The following LRBA variants were observed in gnomAD, a reference collection of about 807,000 sequenced individuals.
The protein encoded by LRBA is lipopolysaccharide-responsive and beige-like anchor protein.
LRBA carries 176 observed loss-of-function variants against 330.0 expected under a neutral mutation model. The observed-to-expected ratio is 0.53, with a 90% CI of 0.47 to 0.60. The LOEUF is 0.60. Among genes scored for constraint, LRBA ranks in the 20% least tolerant of loss-of-function variants. LRBA has a pLI of 0.00. For missense variants in LRBA, 3,259 were observed against 3,444.8 expected (o/e 0.95, Z 1.35); for synonymous variants, 1,230 against 1,193.0 (o/e 1.03, Z -0.64).
At chr4:150,555,788 A>ACACACACACACAC (rs1554054001) in intron 40 of LRBA, among the ~76,000 whole-genome samples, 2 of 101,130 alleles carry the variant, frequency 2.0e-5, no homozygotes, top group African/African-American at 8.9e-5. Flanking sequence ...CACACACACA[A>ACACACACACACAC]ACAAATAGAA....
At chr4:150,385,815 T>C (rs1489340898) in intron 47 of LRBA, among the ~76,000 whole-genome samples, 2 of 152,080 alleles carry the variant, frequency 1.3e-5, no homozygotes, top group African/African-American at 4.8e-5. Context: ...AAAGGAAGCA[T>C]TAACAGTAGC....
chr4:150,892,964 G>A, intron 17 of LRBA, 88 bp downstream of exon 17: 1 of 765,010 alleles, frequency 1.3e-6, no homozygotes, highest in Non-Finnish European at 2.1e-6. Flanking sequence ...CATTTCATAT[G>A]TAAGTTTAAA....
Position 150,700,927 on chromosome 4 carries a change from C to CT in LRBA, c.5755-17211dup, listed in dbSNP as rs1474473910. 5.9e-5 allele frequency among the ~76,000 whole-genome samples: 9 copies of CT among 151,886 alleles called. No individual in the cohort carries two copies. In the East Asian group the frequency reaches 1.7e-3, roughly 29 times the overall value. ...GGTGTACCACCACACCCCTGGCTAA[C>CT]TTTTTTATTTTTTGTAGAGACAAGG... On this transcript the variant is annotated intron_variant, in intron 36 of 56. Transcript: ENST00000651943.
At chr4:150,745,705 G>C (rs1014097824) in intron 35 of LRBA, among the ~76,000 whole-genome samples, 1 of 151,906 alleles carries the variant, frequency 6.6e-6, no homozygotes, top group African/African-American at 2.4e-5. Context: ...TAGTAGAGAC[G>C]GGATTTCACT....
intron 34 of LRBA, among the ~76,000 whole-genome samples, chr4:150,787,196 G>A (rs963519418): frequency 6.6e-6 from 1 of 151,688 alleles, no homozygotes; most frequent in Non-Finnish European, 1.5e-5. Flanking sequence ...CTCCAGCGTG[G>A]GTGACACAGA....
At chr4:150,658,432 A>T (rs1437981715) in intron 37 of LRBA, among the ~76,000 whole-genome samples, 1 of 149,860 alleles carries the variant, frequency 6.7e-6, no homozygotes, top group Non-Finnish European at 1.5e-5. Context: ...TTATCAAGTT[A>T]TCATAATACT....
At chr4:150,403,738 C>T (rs1281530655) in intron 47 of LRBA, among the ~76,000 whole-genome samples, 1 of 151,966 alleles carries the variant, frequency 6.6e-6, no homozygotes, top group Non-Finnish European at 1.5e-5. Flanking sequence ...AAATATACAC[C>T]TGGCTGGGCA....
At chr4:150,267,731 G>GA (rs552731819) in intron 56 of LRBA, among the ~76,000 whole-genome samples, 16 of 152,122 alleles carry the variant, frequency 1.1e-4, no homozygotes, top group Middle Eastern at 3.4e-3. Context: ...TTGGTTCTTT[G>GA]AAAAAATAAC....
chr4:150,916,546 AT>A lies in LRBA; in HGVS notation c.768-20del. 6.2e-7 allele frequency: 1 copy of A among 1,610,000 alleles called. No individual in the cohort carries two copies. Among genetic ancestry groups the A allele is most frequent in the Non-Finnish European group, 8.5e-7 (1 of 1,178,912 alleles). On this transcript the variant is annotated intron_variant, in intron 6 of 56. Transcript: ENST00000651943. ...TCTGAAACTATAAAGAATAGTTTTC[AT>A]TTTACCTCTAAATATTCTTCTCAGT...
chr4:150,918,637 C>G (rs554566008), intron 5 of LRBA, among the ~76,000 whole-genome samples: 45 of 152,276 alleles, frequency 3.0e-4, no homozygotes, highest in Admixed American at 5.2e-4. Flanking sequence ...GTAATCCCAG[C>G]TACTCAGGAA....
At chr4:150,544,768 G>T in intron 40 of LRBA, among the ~76,000 whole-genome samples, 1 of 152,142 alleles carries the variant, frequency 6.6e-6, no homozygotes, top group Non-Finnish European at 1.5e-5. Flanking sequence ...CTAAAATTGG[G>T]CTTACATATA....
intron 37 of LRBA, among the ~76,000 whole-genome samples, chr4:150,677,816 G>A (rs182400646): frequency 0.098 from 7,996 of 81,348 alleles, 279 homozygotes; most frequent in African/African-American, 0.17. Flanking sequence ...AAAAAAAAAA[G>A]AAAAAGAAAA....
At chr4:150,873,766 T>C (rs1369451598) in intron 17 of LRBA, among the ~76,000 whole-genome samples, 1 of 152,154 alleles carries the variant, frequency 6.6e-6, no homozygotes, top group Non-Finnish European at 1.5e-5. Flanking sequence ...AGGATATCAG[T>C]ATCCTCCTAG....
At chr4:150,848,285 G>C (rs1438679516) in intron 26 of LRBA, among the ~76,000 whole-genome samples, 4 of 152,120 alleles carry the variant, frequency 2.6e-5, no homozygotes, top group African/African-American at 9.7e-5. Context: ...AAAGAGCTGG[G>C]ATTACAGGTG....
intron 53 of LRBA, among the ~76,000 whole-genome samples, chr4:150,292,035 T>A (rs1300708530): frequency 6.6e-6 from 1 of 152,220 alleles, no homozygotes; most frequent in Non-Finnish European, 1.5e-5. Context: ...GACTTATGTT[T>A]TAAAACATTA....
rs539164327 is a variant in LRBA at position 151,011,805 on chromosome 4, G to A, written c.216+2622C>T. On this transcript the variant is annotated intron_variant, in intron 2 of 56. Transcript: ENST00000651943. ...TCCTCCCACCTCATCCTCCCAAGTA[G>A]CTGGGACCACAGGTATATGCCACCA... Among the ~76,000 whole-genome samples the A allele has an allele frequency of 2.0e-5, 3 of 151,834 alleles. No individual in the cohort carries two copies. In the South Asian group the frequency reaches 6.2e-4, roughly 32 times the overall value.
At chr4:150,295,366 T>A (rs943303044) in intron 53 of LRBA, among the ~76,000 whole-genome samples, 6 of 152,022 alleles carry the variant, frequency 3.9e-5, no homozygotes, top group African/African-American at 1.4e-4. Context: ...CAGCTAATTT[T>A]TTTTACTTCT....
intron 37 of LRBA, among the ~76,000 whole-genome samples, chr4:150,602,319 C>G (rs909358916): frequency 1.3e-5 from 2 of 152,154 alleles, no homozygotes; most frequent in African/African-American, 2.4e-5. Context: ...TATAATCAAA[C>G]AGTTAGCTAT....
At chr4:150,420,169 G>A (rs1748437124) in intron 46 of LRBA, among the ~76,000 whole-genome samples, 5 of 149,958 alleles carry the variant, frequency 3.3e-5, no homozygotes, top group Admixed American at 3.3e-4. Context: ...GTGAGCCCAG[G>A]AGGCTGCAGT....
Sources: gnomAD v4.1 joint callset for allele counts (sites outside exome capture counted in the v4.1 genomes callset) on GRCh38, gnomAD v4.1.1 for gene constraint, MANE v1.5 for transcripts, NCBI Gene and HGNC (gene_info 2026-07-23, HGNC 2026-07-21) for gene names.